The following NFYA variants were observed in gnomAD, a reference collection of about 807,000 sequenced individuals.
NFYA encodes the protein CAAT-box DNA binding protein subunit A.
NFYA carries 28 observed loss-of-function variants against 52.8 expected under a neutral mutation model. The ratio of observed to expected loss-of-function variants is 0.53; its 90% CI spans 0.39 to 0.73. The LOEUF is 0.73. Ranked by LOEUF, NFYA falls within the 30% of genes least tolerant of loss-of-function variation. The pLI is 0.00. For missense variants in NFYA, 234 were observed against 427.0 expected, an observed-to-expected ratio of 0.55 and a Z score of 3.98; for synonymous variants, 150 against 150.7, an observed-to-expected ratio of 1.00 and a Z score of 0.03.
At chr6:41,094,283 T>C in intron 8 of NFYA, 113 bp from the exon 9 acceptor site, 1 of 828,964 alleles carries the variant, frequency 1.2e-6, no homozygotes, top group East Asian at 2.6e-5. Flanking sequence ...TAATTGTCCC[T>C]TGTGACTTTG....
chr6:41,093,749 G>A (rs2113820204), intron 8 of NFYA, among the ~76,000 whole-genome samples: 1 of 152,324 alleles, frequency 6.6e-6, no homozygotes, highest in Non-Finnish European at 1.5e-5. Context: ...GGGATTATAG[G>A]CGTGAGCCAC....
At chr6:41,093,455 A>G (rs945961261) in intron 8 of NFYA, among the ~76,000 whole-genome samples, 1 of 152,004 alleles carries the variant, frequency 6.6e-6, no homozygotes, top group Non-Finnish European at 1.5e-5. Flanking sequence ...GAAAGGGAAC[A>G]AGAAAGGTAC....
intron 7 of NFYA, among the ~76,000 whole-genome samples, chr6:41,092,004 AAGT>A (rs1204520154): frequency 1.3e-5 from 2 of 152,222 alleles, no homozygotes; most frequent in Non-Finnish European, 2.9e-5. Context: ...GAGAAGTGGA[AAGT>A]AGTATTGCCC....
chr6:41,102,173 G>T lies in NFYA; in HGVS notation c.*4763G>T, dbSNP rs1382136295. The T allele has an allele frequency of 2.0e-5, 3 of 152,184 alleles. No individual in the cohort carries two copies. The highest frequency in any genetic ancestry group is 6.5e-5 in the Admixed American group (1 of 15,288). The allele number at this position is 152,184 out of a possible 1,614,324, so 9.4% of individuals were successfully genotyped here. On this transcript the variant is annotated 3_prime_UTR_variant, in exon 10 of 10. Coordinates refer to ENST00000341376, the MANE Select transcript of NFYA (RefSeq NM_002505.5). ...GCTGGGCTCCTGGGGGTTTATAAAA[G>T]AAGGGGGCCAGAAGTACTTTAAAAC...
At chr6:41,086,021 C>G (rs1764033841) in intron 4 of NFYA, among the ~76,000 whole-genome samples, 1 of 152,190 alleles carries the variant, frequency 6.6e-6, no homozygotes, top group African/African-American at 2.4e-5. Flanking sequence ...TCACATTTCT[C>G]TTTGCATAAA....
At chr6:41,091,986 T>C (rs975743991) in intron 7 of NFYA, among the ~76,000 whole-genome samples, 1 of 152,218 alleles carries the variant, frequency 6.6e-6, no homozygotes, top group African/African-American at 2.4e-5. Context: ...AATTATATAC[T>C]AATCTTTGAG....
At chr6:41,097,315 T>G in intron 9 of NFYA, 42 bp from the exon 10 acceptor site, 2 of 1,605,658 alleles carry the variant, frequency 1.2e-6, no homozygotes. Context: ...TTCCTGTTGC[T>G]TTTGCAAAGG....
rs1764522028 is a variant in NFYA, at chr6:41,102,316, T to G, written c.*4906T>G. Among the ~76,000 whole-genome samples the G allele has an allele frequency of 3.3e-5, 5 of 152,300 alleles. No homozygotes were observed. Among genetic ancestry groups the G allele is most frequent in the African/African-American group, 9.6e-5 (4 of 41,564 alleles). ...CTACCCAGTCTCACATTCTATTGAC[T>G]CATTGTTCAAAGGGGGGGCAGGAGG... On this transcript the variant is annotated 3_prime_UTR_variant, in exon 10 of 10. Transcript: ENST00000341376.
intron 4 of NFYA, among the ~76,000 whole-genome samples, chr6:41,088,885 G>C (rs1764119300): frequency 6.6e-6 from 1 of 152,070 alleles, no homozygotes; most frequent in African/African-American, 2.4e-5. Context: ...CCGGCTTTCA[G>C]CATTTTTAAT....
chr6:41,084,004 TGTCTTATG>T (rs764118250), intron 3 of NFYA, 34 bp from the exon 4 acceptor site: 1 of 1,532,154 alleles, frequency 6.5e-7, no homozygotes, highest in African/African-American at 1.4e-5. Context: ...AACCATTTTG[TGTCTTATG>T]TTATTTCATT....
chr6:41,090,146 C>A (rs1233835541), intron 5 of NFYA, 58 bp from the exon 6 acceptor site: 3 of 1,171,712 alleles, frequency 2.6e-6, no homozygotes, highest in African/African-American at 3.1e-5. Context: ...AGGACTACAT[C>A]GTTCTTTGTT....
chr6:41,073,994 AC>A (rs1467187636), intron 1 of NFYA, among the ~76,000 whole-genome samples: 7 of 151,438 alleles, frequency 4.6e-5, no homozygotes, highest in Admixed American at 3.3e-4. Flanking sequence ...GAAGATTGAT[AC>A]CCTTGCGCAT....
At chr6:41,094,323 G>GA in intron 8 of NFYA, 73 bp from the exon 9 acceptor site, 1 of 1,286,548 alleles carries the variant, frequency 7.8e-7, no homozygotes, top group African/African-American at 1.5e-5. Flanking sequence ...TTGGAGAATG[G>GA]AATTTGTGCA....
At position 41,101,904 on chromosome 6, in the gene NFYA, G is replaced by C. The variant is rs1355650143; in HGVS notation, c.*4494G>C. On this transcript the variant is annotated 3_prime_UTR_variant, in exon 10 of 10. Transcript: ENST00000341376. ...TGTTAATGGATAAAGGAATTACTCAGCTTGAAGGGATCTGTTTCCTTTACA... is the reference window on the plus strand; with the variant it reads ...TGTTAATGGATAAAGGAATTACTCACCTTGAAGGGATCTGTTTCCTTTACA... 6.6e-6 allele frequency: 1 copy of C among 152,242 alleles called. No homozygotes were observed. Among genetic ancestry groups the C allele is most frequent in the Non-Finnish European group, 1.5e-5 (1 of 68,056 alleles). The allele number at this position is 152,242 out of a possible 1,614,324, so 9.4% of individuals were successfully genotyped here.
At position 41,098,543 on chromosome 6, in the gene NFYA, T is replaced by C. The variant is rs1002144063; in HGVS notation, c.*1133T>C. ...AAGGAAGAAGCCTGAGATTTGATCCTTGACAATTTCTGGAAAGCACTGGTC... is the reference window on the plus strand; with the variant it reads ...AAGGAAGAAGCCTGAGATTTGATCCCTGACAATTTCTGGAAAGCACTGGTC... On this transcript the variant is annotated 3_prime_UTR_variant, in exon 10 of 10. Transcript: ENST00000341376. 7 of 152,646 alleles carry C rather than the reference T, an allele frequency of 4.6e-5. No individual in the cohort carries two copies. Among genetic ancestry groups the C allele is most frequent in the African/African-American group, 1.7e-4 (7 of 41,454 alleles). 9.5% of individuals were successfully genotyped at this position (152,646 alleles called of 1,614,324 possible).
chr6:41,078,016 T>C (rs1375236589), intron 1 of NFYA, among the ~76,000 whole-genome samples: 1 of 152,182 alleles, frequency 6.6e-6, no homozygotes, highest in Non-Finnish European at 1.5e-5. Context: ...ATTCTTATTC[T>C]AGAAATAAGA....
At chr6:41,079,837 T>G (rs1763858344) in intron 2 of NFYA, among the ~76,000 whole-genome samples, 1 of 152,242 alleles carries the variant, frequency 6.6e-6, no homozygotes, top group African/African-American at 2.4e-5. Flanking sequence ...TTGGAAATAC[T>G]TTGTTTTCAA....
At chr6:41,076,173 C>T (rs1016693015) in intron 1 of NFYA, among the ~76,000 whole-genome samples, 5 of 151,994 alleles carry the variant, frequency 3.3e-5, no homozygotes, top group East Asian at 3.9e-4. Context: ...TTTGGGAAGC[C>T]GAAGTGGGAG....
intron 3 of NFYA, among the ~76,000 whole-genome samples, chr6:41,082,792 A>G (rs1045408344): frequency 2.0e-5 from 3 of 152,216 alleles, no homozygotes; most frequent in African/African-American, 7.2e-5. Flanking sequence ...GGAATGGGGA[A>G]ATAAGGGAAA....
Sources: allele counts gnomAD v4.1 joint callset (sites outside exome capture counted in the v4.1 genomes callset), GRCh38; gene constraint gnomAD v4.1.1; transcripts MANE v1.5; gene names NCBI Gene and HGNC (gene_info 2026-07-23, HGNC 2026-07-21).